Variants in FGD5 observed in about 807,000 individuals in gnomAD.
The protein encoded by FGD5 is FYVE, RhoGEF and PH domain-containing protein 5.
A neutral mutation model predicts 133.4 loss-of-function variants in FGD5; 28 were observed. The ratio of observed to expected loss-of-function variants is 0.21; its 90% CI spans 0.16 to 0.29. The LOEUF (loss-of-function observed/expected upper bound fraction) is 0.29. Ranked by LOEUF, FGD5 falls within the 10% of genes least tolerant of loss-of-function variation. FGD5 has a pLI of 1.00. For synonymous variants in FGD5, 810 were observed against 776.5 expected (o/e 1.04, Z -0.72); for missense variants, 1,858 against 1,895.2 (o/e 0.98, Z 0.36).
Position 14,820,715 on chromosome 3 carries a change from T to C in FGD5, c.1644T>C (p.Pro548=). The C allele has an allele frequency of 6.3e-7, 1 of 1,599,706 alleles. No individual in the cohort carries two copies. The highest frequency in any genetic ancestry group is 1.1e-5 in the South Asian group (1 of 88,378). The change falls in exon 1 of 20, where the codon CCT becomes CCC. Residue 548 remains proline (P), a synonymous_variant. Transcript: ENST00000285046. ...AGCCCAGGGCCTTTACTTTATACCC[T>C]CGGTCGTTCTCCGTGGAAGGCCGAG... ...PAKPRAFTLY[P]RSFSVEGREI...
intron 11 of FGD5, among the ~76,000 whole-genome samples, chr3:14,911,634 C>G (rs910108243): frequency 6.6e-6 from 1 of 151,880 alleles, no homozygotes; most frequent in South Asian, 2.1e-4. Context: ...CTCTCTGTTC[C>G]AGGCGTTGAC....
chr3:14,820,604 C>T lies in FGD5; in HGVS notation c.1533C>T (p.Gly511=), dbSNP rs749644172. 22 of 1,607,320 alleles carry T rather than the reference C, an allele frequency of 1.4e-5. No homozygotes were observed. The highest frequency in any genetic ancestry group is 1.7e-5 in the Admixed American group (1 of 59,212). Residue 511 remains glycine, a synonymous_variant, in exon 1 of 20, where the codon GGC becomes GGT. Coordinates refer to ENST00000285046, the MANE Select transcript of FGD5 (RefSeq NM_152536.4). The stretch of plus-strand genomic sequence containing the variant: ...CTGAGGCGGGCTCGTCAGCCCCTGG[C>T]ATTGGAGGTGCCGCAGAGGAGGTGG... The part of the protein sequence containing the change: ...TGPEAGSSAP[G]IGGAAEEVGK...
At chr3:14,892,145 CCTCT>C (rs1422194621) in intron 4 of FGD5, among the ~76,000 whole-genome samples, 1 of 151,966 alleles carries the variant, frequency 6.6e-6, no homozygotes, top group East Asian at 1.9e-4. Context: ...GGCTGTCCAT[CCTCT>C]CTCTCAGGCA....
At chr3:14,838,237 C>T (rs6442479) in intron 1 of FGD5, among the ~76,000 whole-genome samples, 33,656 of 152,112 alleles carry the variant, frequency 0.22, 3,902 homozygotes, top group East Asian at 0.31. Flanking sequence ...CCAGTAATGG[C>T]GGGTTGTGAG....
chr3:14,862,179 G>A lies in FGD5; in HGVS notation c.2526-1949G>A, dbSNP rs139959174. Reference sequence around the variant, plus strand: ...TTCCTTTTGGATGTGGAGGAGGAGTGGTAGGAGTGCTGCTAACTGCTGCAT... The same window carrying A: ...TTCCTTTTGGATGTGGAGGAGGAGTAGTAGGAGTGCTGCTAACTGCTGCAT... On this transcript the variant is annotated intron_variant, in intron 1 of 19. Transcript: ENST00000285046. Among the ~76,000 whole-genome samples the A allele has an allele frequency of 3.1e-3, 479 of 152,224 alleles. 4 individuals are homozygous for A. The highest frequency in any genetic ancestry group is 0.011 in the African/African-American group (460 of 41,522).
chr3:14,813,366 G>A (rs767679430), intron 1 of FGD5, among the ~76,000 whole-genome samples: 2 of 152,166 alleles, frequency 1.3e-5, no homozygotes, highest in Non-Finnish European at 2.9e-5. Context: ...GTGCCCTGTC[G>A]TGGATCACTG....
At chr3:14,846,782 TTC>T (rs2037059942) in intron 1 of FGD5, among the ~76,000 whole-genome samples, 1 of 152,254 alleles carries the variant, frequency 6.6e-6, no homozygotes, top group Non-Finnish European at 1.5e-5. Flanking sequence ...CCTTGCTTTC[TTC>T]TCTTTGTTGG....
chr3:14,932,397 C>A, intron 18 of FGD5, 180 bp from the exon 19 acceptor site: 318 of 527,114 alleles, frequency 6.0e-4, no homozygotes, highest in East Asian at 1.3e-3. Context: ...TCGTTTCTTT[C>A]CTTCCTCAGG....
intron 2 of FGD5, among the ~76,000 whole-genome samples, chr3:14,868,213 C>T (rs760670355): frequency 8.5e-5 from 13 of 152,082 alleles, no homozygotes; most frequent in Non-Finnish European, 1.5e-4. Flanking sequence ...GGGGCCTTTT[C>T]AGGCTAAATA....
intron 1 of FGD5, among the ~76,000 whole-genome samples, chr3:14,854,458 C>A: frequency 6.6e-6 from 1 of 151,578 alleles, no homozygotes; most frequent in South Asian, 2.1e-4. Context: ...CTCTGTCGCC[C>A]AGGCTGGACT....
At chr3:14,863,985 C>T in intron 1 of FGD5, 143 bp from the exon 2 acceptor site, 1 of 1,190,650 alleles carries the variant, frequency 8.4e-7, no homozygotes, top group South Asian at 1.6e-5. Flanking sequence ...GCCAGTGTGG[C>T]TGGGGGTGGG....
intron 13 of FGD5, among the ~76,000 whole-genome samples, chr3:14,921,629 G>C (rs990052187): frequency 2.6e-5 from 4 of 152,188 alleles, no homozygotes; most frequent in Admixed American, 2.6e-4. Flanking sequence ...GCACAATGTT[G>C]ACAATGTGGT....
intron 1 of FGD5, among the ~76,000 whole-genome samples, chr3:14,852,856 C>T (rs1689530): frequency 6.6e-6 from 1 of 152,258 alleles, no homozygotes; most frequent in South Asian, 2.1e-4. Context: ...TCAGACACGA[C>T]GAGGCACCAG....
In FGD5 at chr3:14,846,602, A is replaced by C. The variant is rs761148639; in HGVS notation, c.2526-17526A>C. On this transcript the variant is annotated intron_variant, in intron 1 of 19. Coordinates refer to ENST00000285046, the MANE Select transcript of FGD5 (RefSeq NM_152536.4). ...CAGGTCCACGGGGGAGTTGCCTGAC[A>C]TGTCCCTGTGCTGGGTCCAGAGTCA... Among the ~76,000 whole-genome samples the C allele has an allele frequency of 8.5e-4, 129 of 152,228 alleles. 2 individuals carry two copies. The highest frequency in any genetic ancestry group is 2.2e-4 in the Non-Finnish European group (15 of 68,040).
chr3:14,898,764 C>T lies in FGD5; in HGVS notation c.3092C>T (p.Thr1031Ile), dbSNP rs778864696. ...CAGAGTGTACAAGGAGGCAGCCAGA[C>T]TGCGAAGCATCGGCTGCTGCGGGTG... ...FEQSVQGGSQ[T>I]AKHRLLRVVQ... The change falls in exon 7 of 20, where the codon ACT becomes ATT. Residue 1031 changes from threonine to isoleucine, a missense_variant. Thr to Ile is a moderately conservative substitution (Grantham distance 89). Coordinates refer to ENST00000285046, the MANE Select transcript of FGD5 (RefSeq NM_152536.4). The T allele has an allele frequency of 3.8e-6, 6 of 1,587,142 alleles. No homozygotes were observed. The highest frequency in any genetic ancestry group is 1.3e-5 in the African/African-American group (1 of 74,352).
At chr3:14,899,062 A>G (rs2038190068) in intron 7 of FGD5, among the ~76,000 whole-genome samples, 1 of 151,864 alleles carries the variant, frequency 6.6e-6, no homozygotes, top group South Asian at 2.1e-4. Context: ...ACAAAAACCC[A>G]ACGACACCCC....
chr3:14,897,527 A>C lies in FGD5; in HGVS notation c.2767A>C (p.Met923Leu). ...HLNLDFHGAV[M>L]RALDDMDHEG... The stretch of plus-strand genomic sequence containing the variant: ...GTTTCAGGATTTCCATGGAGCTGTC[A>C]TGAGGGCCTTGGATGACATGGACCA... Residue 923 changes from methionine (M) to leucine (L), a missense_variant, in exon 5 of 20, where the codon ATG (methionine) becomes CTG (leucine). Physicochemically the swap from Met to Leu is conservative, Grantham distance 15 (BLOSUM62 2). Coordinates refer to ENST00000285046, the MANE Select transcript of FGD5 (RefSeq NM_152536.4). The C allele has an allele frequency of 6.2e-7, 1 of 1,606,386 alleles. No homozygotes were observed. Among genetic ancestry groups the C allele is most frequent in the South Asian group, 1.1e-5 (1 of 89,050 alleles).
intron 2 of FGD5, among the ~76,000 whole-genome samples, chr3:14,876,873 T>C (rs1238072580): frequency 6.6e-6 from 1 of 152,176 alleles, no homozygotes; most frequent in Admixed American, 6.5e-5. Context: ...CTTGACTCTT[T>C]GTGTGACCCG....
At chr3:14,861,948 C>T (rs1489250314) in intron 1 of FGD5, among the ~76,000 whole-genome samples, 1 of 152,110 alleles carries the variant, frequency 6.6e-6, no homozygotes, top group Non-Finnish European at 1.5e-5. Context: ...GGGTGACAGC[C>T]AGGGTGAAGT....
Sources: allele counts gnomAD v4.1 joint callset (sites outside exome capture counted in the v4.1 genomes callset), GRCh38; gene constraint gnomAD v4.1.1; transcripts MANE v1.5; gene names NCBI Gene and HGNC (gene_info 2026-07-23, HGNC 2026-07-21).